Variants in HACD2 observed in about 807,000 individuals in gnomAD.
HACD2 encodes 3-hydroxyacyl-CoA dehydratase 2.
HACD2 carries 15 observed loss-of-function variants against 31.0 expected under a neutral mutation model. That is an observed-to-expected ratio of 0.48 (90% CI 0.32 to 0.75). The LOEUF is 0.75. HACD2 is among the 30% of genes least tolerant of loss of function. The probability of loss-of-function intolerance (pLI) is 0.03; values close to 1 mark genes in which losing one functional copy is unlikely to be tolerated. For synonymous variants in HACD2, 115 were observed against 122.2 expected, an observed-to-expected ratio of 0.94 and a Z score of 0.39; for missense variants, 283 against 313.0, an observed-to-expected ratio of 0.90 and a Z score of 0.72.
Position 123,566,272 on chromosome 3 carries a change from C to T in HACD2, c.292+1490G>A, listed in dbSNP as rs1489730919. On this transcript the variant is annotated intron_variant, in intron 3 of 6. Transcript: ENST00000383657. ...AAGAAGTGGGAAACCAGCAGAGATG[C>T]AAATCTTTTAAATCCTTTTTTTTTT... 8.5e-5 allele frequency among the ~76,000 whole-genome samples: 13 copies of T among 152,174 alleles called. No individual in the cohort carries two copies. In the East Asian group the frequency reaches 2.3e-3, roughly 27 times the overall value.
At chr3:123,504,370 C>T (rs776975430) in intron 4 of HACD2, among the ~76,000 whole-genome samples, 2 of 152,132 alleles carry the variant, frequency 1.3e-5, no homozygotes, top group Non-Finnish European at 2.9e-5. Context: ...GTTTATTCAT[C>T]TTCTGTTTTC....
chr3:123,581,280 T>C (rs988347528), intron 2 of HACD2, among the ~76,000 whole-genome samples: 3 of 152,312 alleles, frequency 2.0e-5, no homozygotes, highest in East Asian at 3.9e-4. Flanking sequence ...ATACGAACTA[T>C]GGCGGCTATT....
At position 123,502,655 on chromosome 3, in the gene HACD2, C is replaced by G. The variant is rs1361204523; in HGVS notation, c.408G>C (p.Leu136=). ...CCGTGATCGTCCATGCAATAACAAA[C>G]AGGAGGACACTGTCTTCACTCTGTA... ...KEVQSEDSVL[L]FVIAWTITEI... Residue 136 remains leucine, a synonymous_variant, in exon 5 of 7, where the codon CTG becomes CTC. Transcript: ENST00000383657. 3.1e-6 allele frequency: 5 copies of G among 1,605,084 alleles called. No homozygotes were observed. The South Asian group carries it at 4.5e-5, about 14-fold the overall frequency.
At chr3:123,567,475 A>G (rs1172983549) in intron 3 of HACD2, among the ~76,000 whole-genome samples, 1 of 152,184 alleles carries the variant, frequency 6.6e-6, no homozygotes, top group Non-Finnish European at 1.5e-5. Flanking sequence ...ATTTTTACAA[A>G]AATGCTAATG....
At chr3:123,573,786 T>A (rs1292951645) in intron 2 of HACD2, among the ~76,000 whole-genome samples, 1 of 152,220 alleles carries the variant, frequency 6.6e-6, no homozygotes, top group East Asian at 1.9e-4. Flanking sequence ...TACATCCAAT[T>A]TTTAAGGACG....
intron 1 of HACD2, among the ~76,000 whole-genome samples, chr3:123,582,893 A>AT (rs2056981551): frequency 6.6e-6 from 1 of 152,352 alleles, no homozygotes; most frequent in African/African-American, 2.4e-5. Flanking sequence ...TGCAGAAATG[A>AT]AAGCCAGATC....
At chr3:123,537,473 G>GA (rs1182039905) in intron 3 of HACD2, among the ~76,000 whole-genome samples, 3 of 151,876 alleles carry the variant, frequency 2.0e-5, no homozygotes, top group Non-Finnish European at 2.9e-5. Context: ...GTTGAGGTGG[G>GA]AGGAACGCTT....
chr3:123,514,527 G>A (rs971118828), intron 4 of HACD2, among the ~76,000 whole-genome samples: 33 of 152,228 alleles, frequency 2.2e-4, no homozygotes, highest in African/African-American at 7.2e-4. Flanking sequence ...TGGGTGTGAG[G>A]CCTCAGGATC....
chr3:123,526,378 GC>G (rs2056283838), intron 4 of HACD2, among the ~76,000 whole-genome samples: 1 of 152,198 alleles, frequency 6.6e-6, no homozygotes, highest in Non-Finnish European at 1.5e-5. Context: ...CAGCAGAAAC[GC>G]TGAAGTCCAA....
intron 3 of HACD2, among the ~76,000 whole-genome samples, chr3:123,543,503 G>A (rs930120795): frequency 1.3e-5 from 2 of 152,136 alleles, no homozygotes; most frequent in African/African-American, 2.4e-5. Flanking sequence ...CTGGATGGCT[G>A]GGGGACTGGG....
At chr3:123,541,961 A>C (rs2056495882) in intron 3 of HACD2, among the ~76,000 whole-genome samples, 1 of 151,490 alleles carries the variant, frequency 6.6e-6, no homozygotes, top group Non-Finnish European at 1.5e-5. Context: ...TCCCGGCTAA[A>C]ACGGTGAAAC....
At chr3:123,543,066 G>C (rs888435546) in intron 3 of HACD2, among the ~76,000 whole-genome samples, 4 of 152,194 alleles carry the variant, frequency 2.6e-5, no homozygotes, top group African/African-American at 9.6e-5. Flanking sequence ...TTACATTCCA[G>C]GTTCTGTATG....
intron 3 of HACD2, among the ~76,000 whole-genome samples, chr3:123,536,661 G>T (rs1310684107): frequency 6.6e-6 from 1 of 152,140 alleles, no homozygotes; most frequent in African/African-American, 2.4e-5. Context: ...CTAAAACTGA[G>T]AAATTTCTTG....
chr3:123,580,968 C>T (rs1215166075), intron 2 of HACD2, among the ~76,000 whole-genome samples: 2 of 151,610 alleles, frequency 1.3e-5, no homozygotes, highest in South Asian at 2.1e-4. Context: ...ACCACACGCC[C>T]GTGCCACCAC....
At chr3:123,583,520 T>C (rs2056987793) in intron 1 of HACD2, among the ~76,000 whole-genome samples, 1 of 152,174 alleles carries the variant, frequency 6.6e-6, no homozygotes, top group Non-Finnish European at 1.5e-5. Context: ...TCAAGAGAAA[T>C]GATTTCTAGA....
chr3:123,571,069 A>T (rs1338595724), intron 2 of HACD2, among the ~76,000 whole-genome samples: 5 of 152,182 alleles, frequency 3.3e-5, no homozygotes, highest in Admixed American at 3.3e-4. Flanking sequence ...CTCAAAACTG[A>T]TTTTCAATGA....
intron 4 of HACD2, among the ~76,000 whole-genome samples, chr3:123,522,624 A>G (rs996881677): frequency 2.6e-5 from 4 of 151,966 alleles, no homozygotes; most frequent in Non-Finnish European, 4.4e-5. Context: ...AAGCTGCCTC[A>G]AGTTTGACAG....
At position 123,573,354 on chromosome 3, in the gene HACD2, CTGGTTTCTATAAGGA is replaced by C. The variant is rs1290471970; in HGVS notation, c.274-5589_274-5575del. On this transcript the variant is annotated intron_variant, in intron 2 of 6. Coordinates refer to ENST00000383657, the MANE Select transcript of HACD2 (RefSeq NM_198402.5). ...GGGGAAAACACCTTTCCACTCTCTT[CTGGTTTCTATAAGGA>C]TGGATTTCCACCACATAGTACTAGT... Among the ~76,000 whole-genome samples the C allele has an allele frequency of 1.6e-4, 24 of 152,230 alleles. No individual in the cohort carries two copies. In the East Asian group the frequency reaches 4.4e-3, roughly 28 times the overall value.
intron 4 of HACD2, among the ~76,000 whole-genome samples, chr3:123,515,723 T>TA (rs1010322563): frequency 1.3e-5 from 2 of 149,698 alleles, no homozygotes; most frequent in Admixed American, 6.6e-5. Flanking sequence ...CATGGTGGTT[T>TA]AAAAAAAAAA....
Sources: allele counts gnomAD v4.1 joint callset (sites outside exome capture counted in the v4.1 genomes callset), GRCh38; gene constraint gnomAD v4.1.1; transcripts MANE v1.5; gene names NCBI Gene and HGNC (gene_info 2026-07-23, HGNC 2026-07-21).